Variants in NEO1 observed in about 807,000 individuals in gnomAD.
The protein encoded by NEO1 is neogenin.
A neutral mutation model predicts 159.7 loss-of-function variants in NEO1; 63 were observed. That is an observed-to-expected ratio of 0.39 (90% CI 0.32 to 0.49). The LOEUF is 0.49. Among genes scored for constraint, NEO1 ranks in the 20% least tolerant of loss-of-function variants. The probability of loss-of-function intolerance (pLI) is 0.85; values close to 1 mark genes in which losing one functional copy is unlikely to be tolerated. For synonymous variants in NEO1, 633 were observed against 662.0 expected (o/e 0.96, Z 0.67); for missense variants, 1,615 against 1,831.0 (o/e 0.88, Z 2.15).
At chr15:73,143,777 A>G (rs1055788013) in intron 5 of NEO1, among the ~76,000 whole-genome samples, 4 of 152,172 alleles carry the variant, frequency 2.6e-5, no homozygotes, top group African/African-American at 9.7e-5. Flanking sequence ...ACTTCCAACT[A>G]CAATTTCCTG....
At chr15:73,060,168 G>A (rs928588542) in intron 1 of NEO1, among the ~76,000 whole-genome samples, 16 of 152,104 alleles carry the variant, frequency 1.1e-4, no homozygotes, top group African/African-American at 3.9e-4. Context: ...TCACAGCATA[G>A]CTTTAAATGT....
chr15:73,059,302 T>C (rs533526727), intron 1 of NEO1, among the ~76,000 whole-genome samples: 1 of 152,314 alleles, frequency 6.6e-6, no homozygotes, highest in Admixed American at 6.5e-5. Context: ...AGTTCTTCAG[T>C]TCTGAGGAGT....
chr15:73,255,037 C>T (rs1347008746), intron 13 of NEO1, among the ~76,000 whole-genome samples: 1 of 152,094 alleles, frequency 6.6e-6, no homozygotes, highest in Non-Finnish European at 1.5e-5. Flanking sequence ...GTGGTGAGAT[C>T]GAGTTTGATT....
At chr15:73,127,633 A>G (rs2030474748) in intron 4 of NEO1, among the ~76,000 whole-genome samples, 1 of 152,238 alleles carries the variant, frequency 6.6e-6, no homozygotes, top group South Asian at 2.1e-4. Context: ...ATTGAAATAT[A>G]ATGCAAGCCA....
intron 1 of NEO1, among the ~76,000 whole-genome samples, chr15:73,061,953 A>G (rs1211200000): frequency 6.6e-6 from 1 of 152,148 alleles, no homozygotes; most frequent in African/African-American, 2.4e-5. Flanking sequence ...GATGCTCCCA[A>G]ATTTTTGATT....
intron 1 of NEO1, among the ~76,000 whole-genome samples, chr15:73,066,320 C>CTTTTTTTTTTTT (rs35179965): frequency 9.1e-6 from 1 of 110,252 alleles, no homozygotes; most frequent in African/African-American, 3.6e-5. Context: ...CACCTGGCCT[C>CTTTTTTTTTTTT]TTTTTTTTTT....
At chr15:73,110,840 A>G (rs1472798431) in intron 1 of NEO1, among the ~76,000 whole-genome samples, 1 of 152,166 alleles carries the variant, frequency 6.6e-6, no homozygotes, top group East Asian at 1.9e-4. Flanking sequence ...CAGTTTTTAT[A>G]CAAAGTCAGC....
At chr15:73,203,958 C>A (rs1367751163) in intron 7 of NEO1, among the ~76,000 whole-genome samples, 2 of 152,032 alleles carry the variant, frequency 1.3e-5, no homozygotes, top group East Asian at 1.9e-4. Flanking sequence ...AGTTTCTGAC[C>A]TATATCATTT....
intron 9 of NEO1, among the ~76,000 whole-genome samples, chr15:73,248,196 AATT>A: frequency 6.6e-6 from 1 of 152,258 alleles, no homozygotes; most frequent in South Asian, 2.1e-4. Context: ...GCTGTTTTAC[AATT>A]ATTATTATTT....
chr15:73,218,188 T>C (rs2038013495), intron 7 of NEO1, among the ~76,000 whole-genome samples: 1 of 152,192 alleles, frequency 6.6e-6, no homozygotes. Context: ...GGTAATCATG[T>C]GGTTTTTGTC....
intron 7 of NEO1, among the ~76,000 whole-genome samples, chr15:73,235,473 A>G (rs776645596): frequency 6.6e-6 from 1 of 152,212 alleles, no homozygotes; most frequent in South Asian, 2.1e-4. Flanking sequence ...GGCTACCGCT[A>G]TACAAAAGTG....
intron 7 of NEO1, among the ~76,000 whole-genome samples, chr15:73,179,863 G>GTGTATATA (rs1555445543): frequency 3.4e-5 from 5 of 147,900 alleles, no homozygotes; most frequent in African/African-American, 1.2e-4. Flanking sequence ...TAAATAATAT[G>GTGTATATA]TATATATATA....
At chr15:73,173,634 A>G (rs1236615503) in intron 5 of NEO1, among the ~76,000 whole-genome samples, 1 of 152,230 alleles carries the variant, frequency 6.6e-6, no homozygotes, top group African/African-American at 2.4e-5. Flanking sequence ...AATGGAGAGA[A>G]CTTATAAATT....
intron 4 of NEO1, among the ~76,000 whole-genome samples, chr15:73,128,303 T>G (rs1406690011): frequency 2.6e-5 from 4 of 151,994 alleles, no homozygotes; most frequent in Non-Finnish European, 5.9e-5. Flanking sequence ...AAATGTGAAG[T>G]TCTTACAGTA....
intron 23 of NEO1, among the ~76,000 whole-genome samples, chr15:73,286,135 A>G (rs990031585): frequency 1.6e-5 from 2 of 125,836 alleles, no homozygotes; most frequent in African/African-American, 6.2e-5. Context: ...TCTCCACCAC[A>G]GAATTCCTTG....
chr15:73,132,448 A>T (rs114910642), intron 4 of NEO1, among the ~76,000 whole-genome samples: 1 of 152,184 alleles, frequency 6.6e-6, no homozygotes, highest in Non-Finnish European at 1.5e-5. Context: ...AGAAGATAAC[A>T]TTCAAAAAAC....
intron 4 of NEO1, among the ~76,000 whole-genome samples, chr15:73,131,941 G>A (rs1166715112): frequency 1.3e-5 from 2 of 151,958 alleles, no homozygotes; most frequent in Admixed American, 6.6e-5. Context: ...AATATTTTTC[G>A]CACCTCATTA....
At chr15:73,057,546 G>T (rs1319758908) in intron 1 of NEO1, among the ~76,000 whole-genome samples, 1 of 152,160 alleles carries the variant, frequency 6.6e-6, no homozygotes, top group South Asian at 2.1e-4. Flanking sequence ...GTGAGGAGAA[G>T]TTTTGTGTTT....
In NEO1 at chr15:73,288,564, G is replaced by A. The variant is rs771922680; in HGVS notation, c.3649+13G>A. The A allele has an allele frequency of 1.9e-6, 3 of 1,598,602 alleles. No homozygotes were observed. The highest frequency in any genetic ancestry group is 2.6e-6 in the Non-Finnish European group (3 of 1,167,396). On this transcript the variant is annotated intron_variant, in intron 24 of 28. Transcript: ENST00000261908. ...AATTCATACAGAGGTACCATTTTAA[G>A]TGCAGGTTTTTTCTCAAATGTTAGG...
Sources: gnomAD v4.1 joint callset for allele counts (sites outside exome capture counted in the v4.1 genomes callset) on GRCh38, gnomAD v4.1.1 for gene constraint, MANE v1.5 for transcripts, NCBI Gene and HGNC (gene_info 2026-07-23, HGNC 2026-07-21) for gene names.